Variants in BRD8 observed in about 807,000 individuals in gnomAD.
The protein encoded by BRD8 is bromodomain containing 8.
In BRD8, 67 loss-of-function variants were observed where a neutral mutation model predicts 143.1. The observed-to-expected ratio is 0.47, with a 90% CI of 0.38 to 0.57. The LOEUF (loss-of-function observed/expected upper bound fraction) is 0.57. Among genes scored for constraint, BRD8 ranks in the 20% least tolerant of loss-of-function variants. BRD8 has a pLI of 0.00. For synonymous variants in BRD8, 505 were observed against 517.1 expected (o/e 0.98, Z 0.32); for missense variants, 1,103 against 1,503.0 (o/e 0.73, Z 4.40).
chr5:138,164,684 A>G lies in BRD8; in HGVS notation c.1731+30T>C, dbSNP rs75380335. ...CTTCTTATCTAAGGTATAAACCTCC[A>G]TCTCCCCAGCCCCGATCTTTCTTAA... On this transcript the variant is annotated intron_variant, in intron 12 of 26. Coordinates refer to ENST00000254900, the MANE Select transcript of BRD8 (RefSeq NM_139199.2). 68 of 1,607,774 alleles carry G rather than the reference A, an allele frequency of 4.2e-5. No homozygotes were observed. The African/African-American group carries it at 8.4e-4, about 20-fold the overall frequency.
intron 6 of BRD8, 69 bp downstream of exon 6, chr5:138,170,763 G>T: frequency 7.2e-7 from 1 of 1,390,074 alleles, no homozygotes; most frequent in Non-Finnish European, 1.0e-6. Context: ...GAGGAAATAA[G>T]CCAGATTACT....
Position 138,149,646 on chromosome 5 carries a change from G to C in BRD8, c.3272C>G (p.Ser1091Ter). Residue 1091 changes from serine (S) to a stop codon, truncating the protein, a stop_gained, in exon 23 of 27, where the codon TCA becomes TGA. Transcript: ENST00000254900. LOFTEE classifies it high-confidence loss of function. ...GATGAAAGTCTACGCTTACAGCTTT[G>C]AGGAGGTAGCATGGCTGAAAAGTGT... is the stretch of plus-strand genomic sequence containing the variant. ...VDTLFSHATS[S>*]KLTDLSQDDP... 6.2e-7 allele frequency: 1 copy of C among 1,604,518 alleles called. No homozygotes were observed. The highest frequency in any genetic ancestry group is 8.5e-7 in the Non-Finnish European group (1 of 1,176,556).
Position 138,164,695 on chromosome 5 carries a change from C to T in BRD8, c.1731+19G>A, listed in dbSNP as rs1269492161. 5 of 1,612,778 alleles carry T rather than the reference C, an allele frequency of 3.1e-6. No individual in the cohort carries two copies. Among genetic ancestry groups the T allele is most frequent in the Non-Finnish European group, 4.2e-6 (5 of 1,179,584 alleles). On this transcript the variant is annotated intron_variant, in intron 12 of 26. Transcript: ENST00000254900. ...AGGTATAAACCTCCATCTCCCCAGCCCCGATCTTTCTTAAGTACCTCTGTC... is the reference window on the plus strand; with the variant it reads ...AGGTATAAACCTCCATCTCCCCAGCTCCGATCTTTCTTAAGTACCTCTGTC...
At chr5:138,150,643 G>A in intron 22 of BRD8, 102 bp downstream of exon 22, 1 of 1,314,792 alleles carries the variant, frequency 7.6e-7, no homozygotes, top group Non-Finnish European at 1.0e-6. Context: ...TTTGGATCCA[G>A]GTAGTTTAAC....
At position 138,160,076 on chromosome 5, in the gene BRD8, G is replaced by A; in HGVS notation, c.2525C>T (p.Ser842Leu). Residue 842 changes from serine to leucine, a missense_variant, in exon 19 of 27, where the codon TCA (serine) becomes TTA (leucine). Ser to Leu is a moderately radical substitution (Grantham distance 145). Transcript: ENST00000254900. ...CCTTCCTGATCGCCTCACCTTCTCTGAAGCATCCTGTTTGCGGGTAGAATC... is the reference window on the plus strand; with the variant it reads ...CCTTCCTGATCGCCTCACCTTCTCTAAAGCATCCTGTTTGCGGGTAGAATC... ...GRDSTRKQDA[S>L]EKDSVPMGSP... is the part of the protein sequence containing the mutation. The A allele has an allele frequency of 6.2e-7, 1 of 1,613,552 alleles. No homozygotes were observed. The highest frequency in any genetic ancestry group is 8.5e-7 in the Non-Finnish European group (1 of 1,179,506).
chr5:138,168,534 G>C, intron 8 of BRD8: 1 of 1,609,418 alleles, frequency 6.2e-7, no homozygotes, highest in Non-Finnish European at 8.5e-7. Flanking sequence ...AGGGGAGGGG[G>C]GTGGAGTTGC....
At chr5:138,161,745 G>A (rs1356340291) in intron 17 of BRD8, 51 bp downstream of exon 17, 1 of 1,569,726 alleles carries the variant, frequency 6.4e-7, no homozygotes, top group African/African-American at 1.4e-5. Context: ...CACTAAGACT[G>A]GACAATTTAT....
At position 138,164,928 on chromosome 5, in the gene BRD8, G is replaced by C; in HGVS notation, c.1517C>G (p.Ala506Gly). 1 of 1,614,112 alleles carries C rather than the reference G, an allele frequency of 6.2e-7. No individual in the cohort carries two copies. Among genetic ancestry groups the C allele is most frequent in the Non-Finnish European group, 8.5e-7 (1 of 1,180,022 alleles). ...TTCTGCAGGTTCCACCTTGATCTCTGCACTGGGCTCCCTGATGTCCACCAG... is the reference window on the plus strand; with the variant it reads ...TTCTGCAGGTTCCACCTTGATCTCTCCACTGGGCTCCCTGATGTCCACCAG... Reference protein sequence around the residue: ...HELVDIREPSAEIKVEPAEPE... With the variant: ...HELVDIREPSGEIKVEPAEPE... Residue 506 changes from alanine to glycine, a missense_variant, in exon 12 of 27, where the codon GCA (alanine) becomes GGA (glycine). Around this residue, in one of 7 missense-constraint regions of BRD8, gnomAD observed 139 missense variants for 139.0 expected, o/e 1.00. Coordinates refer to ENST00000254900, the MANE Select transcript of BRD8 (RefSeq NM_139199.2).
chr5:138,168,681 G>A (rs768292791), intron 8 of BRD8: 17 of 1,571,044 alleles, frequency 1.1e-5, no homozygotes, highest in Non-Finnish European at 1.1e-5. Flanking sequence ...CAAAGTCCCG[G>A]GGGTTACCTA....
At position 138,165,810 on chromosome 5, in the gene BRD8, G is replaced by C. The variant is rs1327022761; in HGVS notation, c.1278+18C>G. The C allele has an allele frequency of 6.2e-7, 1 of 1,606,092 alleles. No individual in the cohort carries two copies. Among genetic ancestry groups the C allele is most frequent in the African/African-American group, 1.3e-5 (1 of 74,540 alleles). ...TGTAGGACCCATGAGATTCTCTGGG[G>C]CTTCGCTGAATAGTTACCTTGTCCT... On this transcript the variant is annotated intron_variant, in intron 11 of 26. Transcript: ENST00000254900.
At chr5:138,167,896 A>G in intron 9 of BRD8, 38 bp downstream of exon 9, 1 of 1,592,682 alleles carries the variant, frequency 6.3e-7, no homozygotes, top group Non-Finnish European at 8.6e-7. Context: ...GTCAAGTTCA[A>G]CACCTTTGAG....
chr5:138,164,753 C>A lies in BRD8; in HGVS notation c.1692G>T (p.Gly564=). 1 of 1,614,222 alleles carries A rather than the reference C, an allele frequency of 6.2e-7. No individual in the cohort carries two copies. Among genetic ancestry groups the A allele is most frequent in the South Asian group, 1.1e-5 (1 of 91,082 alleles). ...TTGTAAGTGGAGTCTCATCGCCTTT[C>A]CCAATGGCAACATCTGCTTCAACAA... ...GEIVEADVAI[G]KGDETPLTNV... The change falls in exon 12 of 27, where the codon GGG becomes GGT. Residue 564 remains glycine (G), a synonymous_variant. Transcript: ENST00000254900.
chr5:138,156,681 G>C (rs1426284588), intron 20 of BRD8, among the ~76,000 whole-genome samples: 1 of 152,108 alleles, frequency 6.6e-6, no homozygotes, highest in Non-Finnish European at 1.5e-5. Flanking sequence ...CCTGCGCAAT[G>C]CAACACCTTA....
In BRD8 at chr5:138,164,225, C is replaced by T. The variant is rs904535386; in HGVS notation, c.1826-92G>A. 1.8e-5 allele frequency: 28 copies of T among 1,570,744 alleles called. No homozygotes were observed. In the Admixed American group the frequency reaches 3.3e-4, roughly 19 times the overall value. On this transcript the variant is annotated intron_variant, in intron 13 of 26. Transcript: ENST00000254900. ...ATCCCCTGCAGCTCTCCTTTACATG[C>T]TGACCTGTTCTACCTCCTCTACTTG...
At chr5:138,152,317 T>C (rs535021070) in intron 21 of BRD8, among the ~76,000 whole-genome samples, 165 bp downstream of exon 21, 1 of 152,372 alleles carries the variant, frequency 6.6e-6, no homozygotes, top group East Asian at 1.9e-4. Context: ...GTGCATATTC[T>C]GTATCAGCAC....
In BRD8 at chr5:138,159,579, A is replaced by C; in HGVS notation, c.2553T>G (p.Ser851=). Residue 851 remains serine, a synonymous_variant, in exon 20 of 27, where the codon TCT becomes TCG. Transcript: ENST00000254900. ...CAAAGAGAGAGAGAAGGAAGGCAGG[A>C]GAGCCCATTGGGACACTGTCCTGTT... ...ASEKDSVPMG[S]PAFLLSLFMG... is the part of the protein sequence containing the mutation. 1 of 1,614,208 alleles carries C rather than the reference A, an allele frequency of 6.2e-7. No homozygotes were observed. Among genetic ancestry groups the C allele is most frequent in the East Asian group, 2.2e-5 (1 of 44,876 alleles).
rs777939044 is a variant in BRD8, at chr5:138,170,931, G to A, written c.360-19C>T. 1 of 1,612,992 alleles carries A rather than the reference G, an allele frequency of 6.2e-7. No individual in the cohort carries two copies. The highest frequency in any genetic ancestry group is 2.2e-5 in the East Asian group (1 of 44,886). On this transcript the variant is annotated intron_variant, in intron 5 of 26. Transcript: ENST00000254900. ...TAGCCGTCTATAGGAAGAAAGAGAGGTAGGTAGACTGGGTTTTTTAATCTG... is the reference window on the plus strand; with the variant it reads ...TAGCCGTCTATAGGAAGAAAGAGAGATAGGTAGACTGGGTTTTTTAATCTG...
Position 138,140,697 on chromosome 5 carries a change from T to C in BRD8, c.3615+8A>G, listed in dbSNP as rs1751869158. ...ATTCCAGAGGCTACAGGTATCTGCATACAGTACCTGAATCTGCTCCAGGAC... is the reference window on the plus strand; with the variant it reads ...ATTCCAGAGGCTACAGGTATCTGCACACAGTACCTGAATCTGCTCCAGGAC... On this transcript the variant is annotated splice_region_variant and intron_variant, in intron 26 of 26. Coordinates refer to ENST00000254900, the MANE Select transcript of BRD8 (RefSeq NM_139199.2). 2.5e-6 allele frequency: 4 copies of C among 1,612,092 alleles called. No homozygotes were observed. Among genetic ancestry groups the C allele is most frequent in the East Asian group, 4.5e-5 (2 of 44,880 alleles).
rs1753375857 is a variant in BRD8 at position 138,165,823 on chromosome 5, G to T, written c.1278+5C>A. Reference sequence around the variant, plus strand: ...AGATTCTCTGGGGCTTCGCTGAATAGTTACCTTGTCCTCAATGATGGCAAT... The same window carrying T: ...AGATTCTCTGGGGCTTCGCTGAATATTTACCTTGTCCTCAATGATGGCAAT... On this transcript the variant is annotated splice_donor_5th_base_variant and intron_variant, in intron 11 of 26. Coordinates refer to ENST00000254900, the MANE Select transcript of BRD8 (RefSeq NM_139199.2). 6.2e-7 allele frequency: 1 copy of T among 1,611,100 alleles called. No homozygotes were observed. The highest frequency in any genetic ancestry group is 8.5e-7 in the Non-Finnish European group (1 of 1,178,176).
Sources: allele counts gnomAD v4.1 joint callset (sites outside exome capture counted in the v4.1 genomes callset), GRCh38; gene constraint gnomAD v4.1.1; regional missense constraint gnomAD v4.1.1; transcripts MANE v1.5; gene names NCBI Gene and HGNC (gene_info 2026-07-23, HGNC 2026-07-21).